TNPO3: variants seen among roughly 807,000 people sequenced by gnomAD.
TNPO3 encodes transportin 3.
TNPO3 carries 65 observed loss-of-function variants against 122.8 expected under a neutral mutation model. That is an observed-to-expected ratio of 0.53 (90% CI 0.43 to 0.65). TNPO3 has a LOEUF of 0.65. TNPO3 is among the 30% of genes least tolerant of loss of function. The probability of loss-of-function intolerance (pLI) is 0.00; values close to 1 mark genes in which losing one functional copy is unlikely to be tolerated. For missense variants in TNPO3, 850 were observed against 1,136.7 expected (o/e 0.75, Z 3.63); for synonymous variants, 372 against 411.2 (o/e 0.90, Z 1.15).
chr7:128,976,980 T>C (rs971237247), intron 16 of TNPO3, among the ~76,000 whole-genome samples: 2 of 152,172 alleles, frequency 1.3e-5, no homozygotes, highest in African/African-American at 4.8e-5. Flanking sequence ...CACCATTCAG[T>C]CTTCTGCCCA....
intron 18 of TNPO3, among the ~76,000 whole-genome samples, 161 bp downstream of exon 18, chr7:128,974,707 T>A (rs1009461610): frequency 1.3e-5 from 2 of 152,188 alleles, no homozygotes; most frequent in Non-Finnish European, 2.9e-5. Context: ...GCGTCACTGC[T>A]GGGGATATAT....
At chr7:129,018,541 G>C (rs1804096778) in intron 1 of TNPO3, among the ~76,000 whole-genome samples, 2 of 151,998 alleles carry the variant, frequency 1.3e-5, no homozygotes, top group African/African-American at 4.8e-5. Flanking sequence ...CTCTTTTCTT[G>C]CTTAAAATAA....
Position 128,970,166 on chromosome 7 carries a change from G to A in TNPO3, c.2580C>T (p.Ile860=), listed in dbSNP as rs2128992028. 6.2e-7 allele frequency: 1 copy of A among 1,614,168 alleles called. No homozygotes were observed. The highest frequency in any genetic ancestry group is 2.2e-5 in the East Asian group (1 of 44,890). Residue 860 remains isoleucine (I), a synonymous_variant, in exon 20 of 23, where the codon ATC becomes ATT. Transcript: ENST00000265388. ...LPDVAEVLWE[I]MQVDRPTFCR... Reference sequence around the variant, plus strand: ...ATCTTACCGGTCTGTCAACCTGCATGATCTCCCAGAGCACTTCAGCCACAT... The same window carrying A: ...ATCTTACCGGTCTGTCAACCTGCATAATCTCCCAGAGCACTTCAGCCACAT...
chr7:128,974,290 CTTTTTTT>C lies in TNPO3; in HGVS notation c.2273+571_2273+577del, dbSNP rs200157873. ...TGTTGTTTCGAAAATAATGATTTTT[CTTTTTTT>C]TTTTTTTTTAATGCTGATATGGTAA... On this transcript the variant is annotated intron_variant, in intron 18 of 22. Transcript: ENST00000265388. Among the ~76,000 whole-genome samples, 47 of 128,266 alleles carry C rather than the reference CTTTTTTT, an allele frequency of 3.7e-4. No homozygotes were observed. The East Asian group carries it at 0.01, about 28-fold the overall frequency. 84.1% of individuals were successfully genotyped at this position (128,266 alleles called of 152,430 possible).
chr7:129,027,558 CAA>C (rs71162549), intron 1 of TNPO3, among the ~76,000 whole-genome samples: 85 of 8,908 alleles, frequency 9.5e-3, no homozygotes, highest in Non-Finnish European at 0.012. Context: ...AAGACTGTCT[CAA>C]AAAAAAAAAA....
chr7:128,993,926 A>G lies in TNPO3; in HGVS notation c.1159-12T>C, dbSNP rs761394393. On this transcript the variant is annotated splice_polypyrimidine_tract_variant and intron_variant, in intron 8 of 22. Coordinates refer to ENST00000265388, the MANE Select transcript of TNPO3 (RefSeq NM_012470.4). ...TCAGGAACCCCCTCCTAAAATATCA[A>G]ATCAGATAACATCTGCTTTAAACTC... is the stretch of plus-strand genomic sequence containing the variant. 3 of 1,610,728 alleles carry G rather than the reference A, an allele frequency of 1.9e-6. No homozygotes were observed. The highest frequency in any genetic ancestry group is 2.2e-5 in the East Asian group (1 of 44,868).
chr7:128,959,184 T>G (rs1448245147), intron 21 of TNPO3, among the ~76,000 whole-genome samples: 1 of 152,198 alleles, frequency 6.6e-6, no homozygotes, highest in Admixed American at 6.5e-5. Context: ...ATGCTCCCAA[T>G]GTCAGGAAGG....
intron 1 of TNPO3, among the ~76,000 whole-genome samples, chr7:129,038,891 T>C (rs1364963791): frequency 3.9e-5 from 6 of 152,172 alleles, no homozygotes. Context: ...GCTTAACACC[T>C]GGGTAACAAA....
chr7:128,970,407 T>C, intron 19 of TNPO3, 92 bp from the exon 20 acceptor site: 1 of 1,298,680 alleles, frequency 7.7e-7, no homozygotes, highest in Admixed American at 2.3e-5. Context: ...TTCTCTTTAA[T>C]AGGAAAGTGT....
intron 4 of TNPO3, among the ~76,000 whole-genome samples, chr7:129,014,504 C>A (rs1803605891): frequency 6.6e-6 from 1 of 152,072 alleles, no homozygotes; most frequent in African/African-American, 2.4e-5. Context: ...GCCTAGGAGA[C>A]AGAGACCCTG....
rs1800216059 is a variant in TNPO3, at chr7:128,986,897, T to C, written c.1522A>G (p.Lys508Glu). The C allele has an allele frequency of 1.2e-6, 2 of 1,612,964 alleles. No individual in the cohort carries two copies. Among genetic ancestry groups the C allele is most frequent in the Non-Finnish European group, 1.7e-6 (2 of 1,179,750 alleles). Residue 508 changes from lysine (K) to glutamate (E), a missense_variant, in exon 12 of 23, where the codon AAA becomes GAA. Transcript: ENST00000265388. ...FLDPVLGYLM[K>E]GLCEKPLASA... ...GCCAGGGGCTTTTCACACAGGCCTT[T>C]CATCAAATAGCCCAACACAGGGTCT...
intron 1 of TNPO3, among the ~76,000 whole-genome samples, chr7:129,049,992 G>A (rs1808508432): frequency 2.0e-5 from 3 of 152,180 alleles, no homozygotes; most frequent in Non-Finnish European, 4.4e-5. Context: ...AGGAGACTGA[G>A]GAGAGAGGAT....
At chr7:129,031,728 A>C (rs549738946) in intron 1 of TNPO3, among the ~76,000 whole-genome samples, 7 of 152,350 alleles carry the variant, frequency 4.6e-5, no homozygotes, top group African/African-American at 1.4e-4. Context: ...AGCTAGATGA[A>C]GAAACAAGAA....
At chr7:129,005,296 G>A in intron 4 of TNPO3, 137 bp from the exon 5 acceptor site, 1 of 814,134 alleles carries the variant, frequency 1.2e-6, no homozygotes, top group Non-Finnish European at 1.8e-6. Flanking sequence ...TTAAGTTTAA[G>A]TGTCACTGTT....
In TNPO3 at chr7:128,995,064, T is replaced by C. The variant is rs1187385740; in HGVS notation, c.1159-1150A>G. Among the ~76,000 whole-genome samples, 3 of 152,330 alleles carry C rather than the reference T, an allele frequency of 2.0e-5. No homozygotes were observed. In the East Asian group the frequency reaches 5.8e-4, roughly 29 times the overall value. ...ATCCTCCTGCCTTGGCCTTCCAAAG[T>C]GCTGGGATTACAGATGTGAGCCCAG... On this transcript the variant is annotated intron_variant, in intron 8 of 22. Coordinates refer to ENST00000265388, the MANE Select transcript of TNPO3 (RefSeq NM_012470.4).
At chr7:129,031,875 T>C (rs1805987090) in intron 1 of TNPO3, among the ~76,000 whole-genome samples, 1 of 152,200 alleles carries the variant, frequency 6.6e-6, no homozygotes, top group African/African-American at 2.4e-5. Flanking sequence ...AATTTAGAAA[T>C]GGGGTGTTGC....
chr7:128,993,990 G>GA, intron 8 of TNPO3, 76 bp from the exon 9 acceptor site: 4 of 1,327,380 alleles, frequency 3.0e-6, no homozygotes, highest in Middle Eastern at 1.9e-4. Flanking sequence ...TCAAGAAGAA[G>GA]AAAAAAACCA....
rs115442046 is a variant in TNPO3, at chr7:128,957,582, T to C, written c.2712-267A>G. Among the ~76,000 whole-genome samples the C allele has an allele frequency of 5.4e-3, 829 of 152,328 alleles. 13 individuals are homozygous for C. Among genetic ancestry groups the C allele is most frequent in the African/African-American group, 0.019 (791 of 41,570 alleles). On this transcript the variant is annotated intron_variant, in intron 21 of 22. Coordinates refer to ENST00000265388, the MANE Select transcript of TNPO3 (RefSeq NM_012470.4). ...TTTGAATCTTGGCTCCACTGTGCCC[T>C]TGAACAAGTTACCAATCTTTGTCTC...
chr7:128,995,822 C>T (rs866801933), intron 8 of TNPO3, among the ~76,000 whole-genome samples: 3 of 152,194 alleles, frequency 2.0e-5, no homozygotes, highest in South Asian at 2.1e-4. Context: ...CCTCAGCCTC[C>T]TGAGTAGCTG....
Sources: allele counts gnomAD v4.1 joint callset (sites outside exome capture counted in the v4.1 genomes callset), GRCh38; gene constraint gnomAD v4.1.1; transcripts MANE v1.5; gene names NCBI Gene and HGNC (gene_info 2026-07-23, HGNC 2026-07-21).